Variants in BAZ2B observed in about 807,000 individuals in gnomAD.
The protein encoded by BAZ2B is bromodomain adjacent to zinc finger domain protein 2B.
BAZ2B carries 91 observed loss-of-function variants against 246.0 expected under a neutral mutation model. That is an observed-to-expected ratio of 0.37 (90% CI 0.31 to 0.44). The LOEUF (loss-of-function observed/expected upper bound fraction) is 0.44, where lower values mean the gene tolerates loss of function less well. Among genes scored for constraint, BAZ2B ranks in the 20% least tolerant of loss-of-function variants. The pLI is 1.00. For missense variants in BAZ2B, 2,332 were observed against 2,533.7 expected, an observed-to-expected ratio of 0.92 and a Z score of 1.71; for synonymous variants, 855 against 860.0, an observed-to-expected ratio of 0.99 and a Z score of 0.10.
chr2:159,590,592 AAAAT>A (rs137935771), intron 1 of BAZ2B, among the ~76,000 whole-genome samples: 83,078 of 151,010 alleles, frequency 0.55, 23,582 homozygotes, highest in East Asian at 0.73. Flanking sequence ...ACTCCGACTC[AAAAT>A]AAATAAATAA....
At chr2:159,654,070 G>T in the BAZ2B span, among the ~76,000 whole-genome samples, 30 of 152,108 alleles carry the variant, frequency 2.0e-4, no homozygotes, top group Admixed American at 3.3e-4. Flanking sequence ...TTATAATAGT[G>T]GGAATGCAAT....
intron 2 of BAZ2B, among the ~76,000 whole-genome samples, chr2:159,519,183 T>TCAAATTC (rs1356507780): frequency 1.3e-5 from 2 of 148,822 alleles, no homozygotes; most frequent in Non-Finnish European, 3.0e-5. Flanking sequence ...AATTCCATTT[T>TCAAATTC]CAAATTCCAA....
At chr2:159,402,664 G>C (rs979292122) in intron 16 of BAZ2B, among the ~76,000 whole-genome samples, 1 of 152,136 alleles carries the variant, frequency 6.6e-6, no homozygotes, top group Non-Finnish European at 1.5e-5. Flanking sequence ...TTTCAAGCCA[G>C]CAAAAGTCAC....
the BAZ2B span, among the ~76,000 whole-genome samples, chr2:159,644,656 T>G: frequency 6.6e-6 from 1 of 152,216 alleles, no homozygotes; most frequent in East Asian, 1.9e-4. Context: ...CTTCCTTCAT[T>G]CTGTCTTGTC....
chr2:159,653,376 TTAAAG>T, the BAZ2B span, among the ~76,000 whole-genome samples: 2 of 152,240 alleles, frequency 1.3e-5, no homozygotes, highest in Non-Finnish European at 2.9e-5. Flanking sequence ...ATTTATTCTA[TTAAAG>T]TATTTTGGAA....
chr2:159,590,016 A>T (rs1463186342), intron 1 of BAZ2B, among the ~76,000 whole-genome samples: 1 of 151,220 alleles, frequency 6.6e-6, no homozygotes, highest in Middle Eastern at 3.5e-3. Flanking sequence ...GTGAAACCCC[A>T]TCTCTACTGA....
At chr2:159,562,399 C>A (rs1380027367) in intron 1 of BAZ2B, among the ~76,000 whole-genome samples, 1 of 152,186 alleles carries the variant, frequency 6.6e-6, no homozygotes, top group Non-Finnish European at 1.5e-5. Flanking sequence ...CACACATAAG[C>A]TGCCTGTTTT....
rs2073754446 is a variant in BAZ2B, at chr2:159,443,303, G to A, written c.696+3479C>T. ...TAACAGGCTGTATATTTTAGTCTTA[G>A]TTTAATTATTTAATTAAAATATCAA... On this transcript the variant is annotated intron_variant, in intron 6 of 36. Coordinates refer to ENST00000392783, the MANE Select transcript of BAZ2B (RefSeq NM_013450.4). 2.0e-5 allele frequency among the ~76,000 whole-genome samples: 3 copies of A among 152,140 alleles called. No individual in the cohort carries two copies. The South Asian group carries it at 6.2e-4, about 32-fold the overall frequency.
Position 159,428,034 on chromosome 2 carries a change from G to C in BAZ2B, c.2373C>G (p.Ser791Arg). Reference sequence around the variant, plus strand: ...TTGAGATATCCATTATTCCATTTCTGCTGAGATACTGAAAAAATCACATAT... The same window carrying C: ...TTGAGATATCCATTATTCCATTTCTCCTGAGATACTGAAAAAATCACATAT... ...RQYPEVIKYL[S>R]RNGIMDISRD... The change falls in exon 13 of 37, where the codon AGC (serine) becomes AGG (arginine). Residue 791 changes from serine (S) to arginine (R), a missense_variant. Physicochemically the swap from Ser to Arg is moderately radical, Grantham distance 110. Coordinates refer to ENST00000392783, the MANE Select transcript of BAZ2B (RefSeq NM_013450.4). 1 of 1,612,510 alleles carries C rather than the reference G, an allele frequency of 6.2e-7. No individual in the cohort carries two copies. Among genetic ancestry groups the C allele is most frequent in the Non-Finnish European group, 8.5e-7 (1 of 1,178,972 alleles).
rs555538953 is a variant in BAZ2B, at chr2:159,338,327, G to T, written c.5455-555C>A. Among the ~76,000 whole-genome samples the T allele has an allele frequency of 5.3e-5, 8 of 152,240 alleles. No individual in the cohort carries two copies. The East Asian group carries it at 1.4e-3, about 26-fold the overall frequency. ...AGGATCCTGATAGGAATCCTTTCCTGACCTCTTTCAGGAGCTAAGTCCCTC... is the reference window on the plus strand; with the variant it reads ...AGGATCCTGATAGGAATCCTTTCCTTACCTCTTTCAGGAGCTAAGTCCCTC... On this transcript the variant is annotated intron_variant, in intron 31 of 36. Coordinates refer to ENST00000392783, the MANE Select transcript of BAZ2B (RefSeq NM_013450.4).
In BAZ2B at chr2:159,453,797, A is replaced by C; in HGVS notation, c.150T>G (p.His50Gln). ...GTTGATCCCCAGCTGTTCTGAATAA[A>C]TGTCCTGGGAGGGAAAAAAACACAC... Reference protein sequence around the residue: ...SLSSTINPCGHLFRTAGDQPF... With the variant: ...SLSSTINPCGQLFRTAGDQPF... The change falls in exon 4 of 37, where the codon CAT (histidine) becomes CAG (glutamine). Residue 50 changes from histidine to glutamine, a missense_variant. His to Gln is a conservative substitution (Grantham distance 24). Coordinates refer to ENST00000392783, the MANE Select transcript of BAZ2B (RefSeq NM_013450.4). The C allele has an allele frequency of 6.3e-7, 1 of 1,585,608 alleles. No individual in the cohort carries two copies. Among genetic ancestry groups the C allele is most frequent in the Non-Finnish European group, 8.6e-7 (1 of 1,164,646 alleles).
intron 3 of BAZ2B, among the ~76,000 whole-genome samples, chr2:159,478,286 C>T (rs2078852329): frequency 6.6e-6 from 1 of 152,046 alleles, no homozygotes; most frequent in South Asian, 2.1e-4. Flanking sequence ...TATTTCTTTC[C>T]CTCTTGGGCC....
chr2:159,372,792 C>T (rs1312440240), intron 27 of BAZ2B, among the ~76,000 whole-genome samples: 2 of 152,232 alleles, frequency 1.3e-5, no homozygotes, highest in African/African-American at 4.8e-5. Flanking sequence ...GATGGAAATA[C>T]AAGTCTCTGT....
At chr2:159,418,279 A>C (rs572670784) in intron 13 of BAZ2B, among the ~76,000 whole-genome samples, 126 of 152,358 alleles carry the variant, frequency 8.3e-4, no homozygotes, top group Non-Finnish European at 1.4e-3. Flanking sequence ...GAAATTCAAA[A>C]GAGATCATGA....
At position 159,438,483 on chromosome 2, in the gene BAZ2B, G is replaced by A. The variant is rs778363434; in HGVS notation, c.1113C>T (p.His371=). 9.9e-6 allele frequency: 16 copies of A among 1,614,052 alleles called. No individual in the cohort carries two copies. In the African/African-American group the frequency reaches 1.6e-4, roughly 16 times the overall value. The change falls in exon 8 of 37, where the codon CAC becomes CAT. Residue 371 remains histidine (H), a synonymous_variant. Coordinates refer to ENST00000392783, the MANE Select transcript of BAZ2B (RefSeq NM_013450.4). ...SQAKEESVNK[H]TSVIQSTGLV... The stretch of plus-strand genomic sequence containing the variant: ...ATCCCGTAGACTGTATTACACTGGT[G>A]TGTTTGTTCACAGATTCCTCCTTTG...
the BAZ2B span, among the ~76,000 whole-genome samples, chr2:159,639,444 T>C: frequency 6.6e-6 from 1 of 152,070 alleles, no homozygotes; most frequent in African/African-American, 2.4e-5. Context: ...AAAGAATAAA[T>C]GATAAAACAA....
At chr2:159,600,411 AAAT>A (rs1447223040) in intron 1 of BAZ2B, among the ~76,000 whole-genome samples, 4 of 152,340 alleles carry the variant, frequency 2.6e-5, no homozygotes, top group African/African-American at 7.2e-5. Flanking sequence ...ATACAAATTA[AAAT>A]AATAATATTC....
chr2:159,370,538 TG>T (rs2060733642), intron 27 of BAZ2B, among the ~76,000 whole-genome samples: 2 of 150,866 alleles, frequency 1.3e-5, no homozygotes, highest in South Asian at 2.1e-4. Flanking sequence ...GCCCGGCTAA[TG>T]TTTTTTGTAT....
chr2:159,549,580 C>T (rs192496816), intron 2 of BAZ2B, among the ~76,000 whole-genome samples: 5 of 152,146 alleles, frequency 3.3e-5, no homozygotes, highest in African/African-American at 4.8e-5. Flanking sequence ...AATACAGTAA[C>T]ACGAACGATA....
Sources: gnomAD v4.1 joint callset for allele counts (sites outside exome capture counted in the v4.1 genomes callset) on GRCh38, gnomAD v4.1.1 for gene constraint, MANE v1.5 for transcripts, NCBI Gene and HGNC (gene_info 2026-07-23, HGNC 2026-07-21) for gene names.